Variants in SLC44A5 observed in about 807,000 individuals in gnomAD.
SLC44A5 encodes choline transporter-like protein 5.
SLC44A5 carries 57 observed loss-of-function variants against 101.8 expected under a neutral mutation model. The observed-to-expected ratio is 0.56, with a 90% confidence interval of 0.45 to 0.70. SLC44A5 has a LOEUF of 0.70. SLC44A5 is among the 30% of genes least tolerant of loss of function. The pLI, the probability that SLC44A5 is intolerant of heterozygous loss-of-function variation, is 0.00. For missense variants in SLC44A5, 737 were observed against 853.1 expected (o/e 0.86, Z 1.70); for synonymous variants, 281 against 290.9 (o/e 0.97, Z 0.35).
At chr1:75,393,269 T>A (rs549189888) in intron 3 of SLC44A5, among the ~76,000 whole-genome samples, 7 of 152,316 alleles carry the variant, frequency 4.6e-5, no homozygotes, top group African/African-American at 1.7e-4. Context: ...CCATCTCAAC[T>A]TTCTTTGATT....
chr1:75,285,148 T>G (rs1484677217), intron 5 of SLC44A5, among the ~76,000 whole-genome samples: 1 of 152,084 alleles, frequency 6.6e-6, no homozygotes, highest in African/African-American at 2.4e-5. Context: ...TTTTTTGTTG[T>G]TGGCAATTTT....
intron 1 of SLC44A5, among the ~76,000 whole-genome samples, chr1:75,568,084 G>T (rs934638087): frequency 1.3e-5 from 2 of 152,162 alleles, no homozygotes; most frequent in African/African-American, 4.8e-5. Context: ...GAAAGCAGTA[G>T]ATTTTGTTTT....
intron 22 of SLC44A5, among the ~76,000 whole-genome samples, chr1:75,213,245 G>C (rs776084878): frequency 9.2e-5 from 14 of 152,150 alleles, no homozygotes; most frequent in Non-Finnish European, 1.9e-4. Context: ...TAGAATGTGG[G>C]TTGGCATAAA....
chr1:75,303,555 C>A (rs891020207), intron 4 of SLC44A5, among the ~76,000 whole-genome samples: 2 of 152,058 alleles, frequency 1.3e-5, no homozygotes, highest in African/African-American at 4.8e-5. Context: ...AAAAGTAAAA[C>A]CAACACTCTT....
intron 3 of SLC44A5, chr1:75,357,236 C>G: frequency 2.2e-6 from 1 of 455,792 alleles, no homozygotes; most frequent in Non-Finnish European, 4.4e-6. Flanking sequence ...TCTAAAAGAA[C>G]CAAGAGCACT....
At chr1:75,270,326 A>G (rs955596876) in intron 6 of SLC44A5, among the ~76,000 whole-genome samples, 14 of 152,114 alleles carry the variant, frequency 9.2e-5, no homozygotes, top group African/African-American at 2.9e-4. Context: ...AAGAATTAAA[A>G]CAATCATGAG....
At chr1:75,422,768 G>T (rs374337465) in intron 2 of SLC44A5, among the ~76,000 whole-genome samples, 1 of 152,138 alleles carries the variant, frequency 6.6e-6, no homozygotes, top group Admixed American at 6.5e-5. Context: ...GGCCCAGAGG[G>T]GTTATGTGAA....
intron 2 of SLC44A5, among the ~76,000 whole-genome samples, chr1:75,478,386 A>T (rs753892740): frequency 3.3e-5 from 5 of 152,356 alleles, no homozygotes; most frequent in South Asian, 4.1e-4. Flanking sequence ...TGACAGGATC[A>T]AATTCACAAT....
intron 3 of SLC44A5, among the ~76,000 whole-genome samples, chr1:75,389,442 A>C (rs1426884927): frequency 6.6e-6 from 1 of 152,216 alleles, no homozygotes; most frequent in Non-Finnish European, 1.5e-5. Flanking sequence ...GTCTCAATAA[A>C]TTTTAAAAAA....
chr1:75,705,461 CT>C, the SLC44A5 span, among the ~76,000 whole-genome samples: 2 of 152,178 alleles, frequency 1.3e-5, no homozygotes, highest in Non-Finnish European at 1.5e-5. Context: ...CAGGTTTACA[CT>C]TTCCTCTTGA....
intron 4 of SLC44A5, among the ~76,000 whole-genome samples, chr1:75,307,275 C>G (rs916671403): frequency 7.9e-5 from 12 of 152,240 alleles, no homozygotes; most frequent in South Asian, 6.2e-4. Flanking sequence ...TACAACATGG[C>G]TGCATTTATA....
chr1:75,266,924 T>G (rs949936923), intron 6 of SLC44A5, among the ~76,000 whole-genome samples: 4 of 152,172 alleles, frequency 2.6e-5, no homozygotes, highest in Admixed American at 1.3e-4. Context: ...TGCCAGAGAC[T>G]AGGAAGAGGA....
chr1:75,664,929 G>GAAAAAAAAAAAA, the SLC44A5 span, among the ~76,000 whole-genome samples: 1 of 130,180 alleles, frequency 7.7e-6, no homozygotes. Flanking sequence ...TCAAAAAAAA[G>GAAAAAAAAAAAA]AAAAAAAAAA....
intron 5 of SLC44A5, among the ~76,000 whole-genome samples, chr1:75,285,068 C>A (rs965564876): frequency 6.6e-6 from 1 of 151,970 alleles, no homozygotes; most frequent in African/African-American, 2.4e-5. Context: ...GGAATAGTGT[C>A]TATAGGATTG....
chr1:75,722,405 C>T, the SLC44A5 span, among the ~76,000 whole-genome samples: 1 of 152,208 alleles, frequency 6.6e-6, no homozygotes, highest in Non-Finnish European at 1.5e-5. Flanking sequence ...CTCAGTATAT[C>T]ACTGGAGGCT....
At chr1:75,280,631 C>T (rs1652456916) in intron 5 of SLC44A5, among the ~76,000 whole-genome samples, 1 of 150,088 alleles carries the variant, frequency 6.7e-6, no homozygotes, top group African/African-American at 2.5e-5. Context: ...AATTATAATC[C>T]TCACGTGTTG....
chr1:75,356,052 A>C (rs1659043237), intron 3 of SLC44A5, among the ~76,000 whole-genome samples: 1 of 151,734 alleles, frequency 6.6e-6, no homozygotes. Context: ...TCTCTACAAA[A>C]AAATACAGAA....
intron 6 of SLC44A5, among the ~76,000 whole-genome samples, chr1:75,262,206 G>A (rs1029673784): frequency 6.6e-6 from 1 of 152,168 alleles, no homozygotes; most frequent in African/African-American, 2.4e-5. Flanking sequence ...GTCTCTGTTT[G>A]CAGATGACAT....
intron 5 of SLC44A5, among the ~76,000 whole-genome samples, chr1:75,280,678 G>T (rs1198473633): frequency 1.3e-5 from 2 of 150,642 alleles, no homozygotes; most frequent in Non-Finnish European, 2.9e-5. Context: ...AGATCATGAG[G>T]GTGGTTCTAC....
Sources: allele counts gnomAD v4.1 joint callset (sites outside exome capture counted in the v4.1 genomes callset), GRCh38; gene constraint gnomAD v4.1.1; transcripts MANE v1.5; gene names NCBI Gene and HGNC (gene_info 2026-07-23, HGNC 2026-07-21).